The following ANTXR2 variants were observed in gnomAD, a reference collection of about 807,000 sequenced individuals.
ANTXR2 encodes the protein ANTXR cell adhesion molecule 2.
Under a neutral mutation model 73.7 loss-of-function variants are expected in ANTXR2, and 44 were observed. That is an observed-to-expected ratio of 0.60 (90% CI 0.47 to 0.77). The LOEUF is 0.77. ANTXR2 is among the 30% of genes least tolerant of loss of function. The probability of loss-of-function intolerance (pLI) is 0.00; values close to 1 mark genes in which losing one functional copy is unlikely to be tolerated. For synonymous variants in ANTXR2, 217 were observed against 205.9 expected (o/e 1.05, Z -0.46); for missense variants, 604 against 592.5 (o/e 1.02, Z -0.20).
intron 16 of ANTXR2, among the ~76,000 whole-genome samples, chr4:79,961,831 T>C (rs1304081935): frequency 6.6e-6 from 1 of 152,178 alleles, no homozygotes; most frequent in Non-Finnish European, 1.5e-5. Flanking sequence ...GTATTTACAC[T>C]AATCATTTTT....
intron 7 of ANTXR2, among the ~76,000 whole-genome samples, chr4:80,053,505 A>G (rs1733856191): frequency 6.6e-6 from 1 of 151,798 alleles, no homozygotes; most frequent in Admixed American, 6.6e-5. Flanking sequence ...GAAGAAACTG[A>G]TATTTTTTCC....
intron 3 of ANTXR2, among the ~76,000 whole-genome samples, chr4:80,063,123 T>C (rs1734338686): frequency 6.6e-6 from 1 of 152,242 alleles, no homozygotes; most frequent in Admixed American, 6.5e-5. Flanking sequence ...GTTCTCTTTA[T>C]GTGTAGAACC....
In ANTXR2 at chr4:80,002,852, C is replaced by T. The variant is rs541068281; in HGVS notation, c.1041+5669G>A. ...CCATCAGAGAAATGCAAATCAAAACCACAATGAGATACCATCTCACACCAG... is the reference window on the plus strand; with the variant it reads ...CCATCAGAGAAATGCAAATCAAAACTACAATGAGATACCATCTCACACCAG... On this transcript the variant is annotated intron_variant, in intron 12 of 16. Transcript: ENST00000403729. 3.8e-3 allele frequency among the ~76,000 whole-genome samples: 577 copies of T among 150,284 alleles called. 6 individuals are homozygous for T. Among genetic ancestry groups the T allele is most frequent in the African/African-American group, 0.013 (548 of 41,038 alleles).
At chr4:79,912,380 G>T (rs1209044029) in intron 16 of ANTXR2, among the ~76,000 whole-genome samples, 2 of 151,844 alleles carry the variant, frequency 1.3e-5, no homozygotes, top group Non-Finnish European at 2.9e-5. Context: ...TATAAGAAGT[G>T]CATGTAAATA....
intron 12 of ANTXR2, among the ~76,000 whole-genome samples, chr4:80,004,944 G>GA (rs200233260): frequency 2.8e-4 from 40 of 144,244 alleles, no homozygotes; most frequent in African/African-American, 5.1e-4. Flanking sequence ...GCAGAAAAAA[G>GA]AAAAAAAAAA....
rs145336123 is a variant in ANTXR2 at position 80,039,220 on chromosome 4, T to C, written c.637-3188A>G. On this transcript the variant is annotated intron_variant, in intron 7 of 16. Transcript: ENST00000403729. ...ACCAAAACCATTTCCAAATGAAAAA[T>C]AGAGAGGAGGGAGAAGAGTAAGAAG... Among the ~76,000 whole-genome samples the C allele has an allele frequency of 4.7e-4, 70 of 150,276 alleles. 1 individual carries two copies. Among genetic ancestry groups the C allele is most frequent in the African/African-American group, 1.5e-3 (63 of 41,366 alleles).
chr4:80,029,756 A>G (rs560035092), intron 10 of ANTXR2, among the ~76,000 whole-genome samples: 1 of 151,942 alleles, frequency 6.6e-6, no homozygotes, highest in African/African-American at 2.4e-5. Context: ...ACAGTTCTAC[A>G]TCAGGGGAAG....
intron 3 of ANTXR2, among the ~76,000 whole-genome samples, chr4:80,056,252 T>C (rs1205317547): frequency 4.0e-5 from 6 of 151,882 alleles, no homozygotes; most frequent in African/African-American, 1.2e-4. Context: ...TCTTGAAAAA[T>C]CTTTGCATAT....
In ANTXR2 at chr4:79,947,961, TTC is replaced by T. The variant is rs1305925830; in HGVS notation, c.1428+29658_1428+29659del. On this transcript the variant is annotated intron_variant, in intron 16 of 16. Coordinates refer to ENST00000403729, the MANE Select transcript of ANTXR2 (RefSeq NM_058172.6). ...ATTTTAGCTTCATAGAAATCTCCTT[TTC>T]GAGTAATACAATAAATTGCTAGTTG... Among the ~76,000 whole-genome samples, 3 of 152,264 alleles carry T rather than the reference TTC, an allele frequency of 2.0e-5. No homozygotes were observed. In the East Asian group the frequency reaches 5.8e-4, roughly 29 times the overall value.
rs1333725498 is a variant in ANTXR2, at chr4:80,033,489, T to TA, written c.778_779insT (p.Asn260IlefsTer2). Reference sequence around the variant, plus strand: ...GGACCTACTCGTTGTATATGTTTCATTTACAGTGTAAGTGCAGAGAACACT... The same window carrying TA: ...GGACCTACTCGTTGTATATGTTTCATATTACAGTGTAAGTGCAGAGAACACT... On this transcript the variant is annotated frameshift_variant, in exon 9 of 17. Coordinates refer to ENST00000403729, the MANE Select transcript of ANTXR2 (RefSeq NM_058172.6). LOFTEE classifies it high-confidence loss of function. 1 of 1,599,470 alleles carries TA rather than the reference T, an allele frequency of 6.3e-7. No individual in the cohort carries two copies. Among genetic ancestry groups the TA allele is most frequent in the Non-Finnish European group, 8.5e-7 (1 of 1,174,236 alleles).
At chr4:79,993,760 G>GTGCACACACACACA (rs1553931142) in intron 12 of ANTXR2, among the ~76,000 whole-genome samples, 1 of 140,658 alleles carries the variant, frequency 7.1e-6, no homozygotes, top group African/African-American at 2.6e-5. Flanking sequence ...ACACACACAC[G>GTGCACACACACACA]CACACACACA....
chr4:79,999,949 T>C (rs1730939157), intron 12 of ANTXR2, among the ~76,000 whole-genome samples: 1 of 152,020 alleles, frequency 6.6e-6, no homozygotes, highest in Non-Finnish European at 1.5e-5. Flanking sequence ...ATAAATATGA[T>C]ATGGGATACA....
chr4:80,041,110 A>G (rs1471716457), intron 7 of ANTXR2, among the ~76,000 whole-genome samples: 1 of 152,042 alleles, frequency 6.6e-6, no homozygotes, highest in East Asian at 1.9e-4. Flanking sequence ...CTAATAAACA[A>G]ATATTTTTAT....
chr4:79,986,998 C>CA (rs935151851), intron 12 of ANTXR2, among the ~76,000 whole-genome samples: 1 of 152,248 alleles, frequency 6.6e-6, no homozygotes, highest in Non-Finnish European at 1.5e-5. Context: ...TAGCTTCATC[C>CA]AAAGGACAGC....
intron 10 of ANTXR2, among the ~76,000 whole-genome samples, chr4:80,031,022 C>G (rs1732664828): frequency 6.6e-6 from 1 of 151,984 alleles, no homozygotes. Context: ...AAGACTCCTT[C>G]ATCCAAACTA....
At chr4:79,994,872 TTTCTA>T (rs1369964129) in intron 12 of ANTXR2, among the ~76,000 whole-genome samples, 1 of 151,932 alleles carries the variant, frequency 6.6e-6, no homozygotes, top group Non-Finnish European at 1.5e-5. Context: ...TGAGCCAGTT[TTTCTA>T]TTCTCATTGT....
chr4:79,987,536 C>A (rs1560946094), intron 12 of ANTXR2, among the ~76,000 whole-genome samples: 1 of 152,128 alleles, frequency 6.6e-6, no homozygotes, highest in Non-Finnish European at 1.5e-5. Context: ...AGAGAACAAG[C>A]AACTTGGAAA....
At chr4:79,916,132 C>G (rs942384799) in intron 16 of ANTXR2, among the ~76,000 whole-genome samples, 1 of 151,856 alleles carries the variant, frequency 6.6e-6, no homozygotes, top group Non-Finnish European at 1.5e-5. Context: ...TTCAGTGACT[C>G]TATACATATG....
chr4:79,931,551 C>T (rs1728059220), intron 16 of ANTXR2, among the ~76,000 whole-genome samples: 1 of 152,046 alleles, frequency 6.6e-6, no homozygotes, highest in African/African-American at 2.4e-5. Context: ...CCAGGGCTAA[C>T]TCACAGAAGG....
Sources: allele counts gnomAD v4.1 joint callset (sites outside exome capture counted in the v4.1 genomes callset), GRCh38; gene constraint gnomAD v4.1.1; transcripts MANE v1.5; gene names NCBI Gene and HGNC (gene_info 2026-07-23, HGNC 2026-07-21).